The following KDELR2 variants were observed in gnomAD, a reference collection of about 807,000 sequenced individuals.
KDELR2 encodes ER lumen protein-retaining receptor 2.
KDELR2 carries 15 observed loss-of-function variants against 23.9 expected under a neutral mutation model. The observed-to-expected ratio is 0.63, with a 90% CI of 0.42 to 0.97. The LOEUF (loss-of-function observed/expected upper bound fraction) is 0.97, where lower values mean the gene tolerates loss of function less well. Ranked by LOEUF, KDELR2 falls within the 50% of genes least tolerant of loss-of-function variation. The pLI is 0.00. For synonymous variants in KDELR2, 119 were observed against 106.2 expected (o/e 1.12, Z -0.74); for missense variants, 272 against 254.6 (o/e 1.07, Z -0.46).
intron 1 of KDELR2, among the ~76,000 whole-genome samples, chr7:6,476,565 G>T (rs1158768702): frequency 1.3e-5 from 2 of 152,128 alleles, no homozygotes; most frequent in African/African-American, 4.8e-5. Flanking sequence ...AATTTTGTGG[G>T]AAAGGGTTTT....
Position 6,477,405 on chromosome 7 carries a change from T to C in KDELR2, c.92-3121A>G, listed in dbSNP as rs73674119. 9.8e-3 allele frequency among the ~76,000 whole-genome samples: 1,489 copies of C among 152,234 alleles called. 27 individuals are homozygous for C. The highest frequency in any genetic ancestry group is 0.023 in the African/African-American group (958 of 41,540). On this transcript the variant is annotated intron_variant, in intron 1 of 4. Transcript: ENST00000258739. ...GTGGGGCAAGAATCTCCTGGAGGGG[T>C]TGGGAGTAGAATACCTGCTATTAAA...
chr7:6,471,479 CT>C (rs1235838190), intron 2 of KDELR2, among the ~76,000 whole-genome samples: 1 of 152,100 alleles, frequency 6.6e-6, no homozygotes, highest in Non-Finnish European at 1.5e-5. Context: ...AGCACCCGGC[CT>C]GTTTTGGGTC....
At chr7:6,471,698 G>A (rs1027694172) in intron 2 of KDELR2, among the ~76,000 whole-genome samples, 27 of 152,096 alleles carry the variant, frequency 1.8e-4, no homozygotes, top group Admixed American at 1.0e-3. Flanking sequence ...TTATAGCTGC[G>A]TCCATTGGTG....
chr7:6,465,066 A>G (rs941771097), intron 4 of KDELR2, among the ~76,000 whole-genome samples: 2 of 145,188 alleles, frequency 1.4e-5, no homozygotes, highest in African/African-American at 5.0e-5. Context: ...CAATTCCACC[A>G]TTAGGAATTT....
At chr7:6,468,695 C>T (rs1386707904) in intron 3 of KDELR2, among the ~76,000 whole-genome samples, 7 of 151,712 alleles carry the variant, frequency 4.6e-5, no homozygotes, top group South Asian at 2.1e-4. Flanking sequence ...TTAGTAGAGA[C>T]GGGGTTTCAC....
intron 1 of KDELR2, among the ~76,000 whole-genome samples, chr7:6,482,128 G>C (rs977549699): frequency 1.2e-4 from 19 of 152,028 alleles, no homozygotes; most frequent in African/African-American, 4.1e-4. Context: ...TCAGCCTACC[G>C]AGTAGCTGGG....
Position 6,462,651 on chromosome 7 carries a change from A to T in KDELR2, c.*490T>A. The T allele has an allele frequency of 4.3e-6, 1 of 232,454 alleles. No homozygotes were observed. Among genetic ancestry groups the T allele is most frequent in the South Asian group, 8.4e-5 (1 of 11,942 alleles). 14.4% of individuals were successfully genotyped at this position (232,454 alleles called of 1,614,324 possible). ...TGAACAGATACATCCAATTGAACAT[A>T]GTGTCTCAGATTTCAAACAAATACA... On this transcript the variant is annotated 3_prime_UTR_variant, in exon 5 of 5. Transcript: ENST00000258739.
chr7:6,470,683 G>A (rs1785612970), intron 2 of KDELR2, among the ~76,000 whole-genome samples: 1 of 152,128 alleles, frequency 6.6e-6, no homozygotes, highest in Non-Finnish European at 1.5e-5. Flanking sequence ...TATGGTAGTA[G>A]GAGGTACTCC....
rs1785419868 is a variant in KDELR2 at position 6,463,024 on chromosome 7, T to C, written c.*117A>G. On this transcript the variant is annotated 3_prime_UTR_variant, in exon 5 of 5. Coordinates refer to ENST00000258739, the MANE Select transcript of KDELR2 (RefSeq NM_006854.4). ...GTTTTTACAGAGCCACTGATGACTA[T>C]CTGCAACAAAAGAGTTAAGTTTCTG... 1.2e-6 allele frequency: 2 copies of C among 1,614,210 alleles called. No homozygotes were observed. The highest frequency in any genetic ancestry group is 1.1e-5 in the South Asian group (1 of 91,086).
Position 6,466,327 on chromosome 7 carries a change from G to T in KDELR2, c.352-4C>A. ...AGATGGAGAAGGTCCAGAGGATCTG[G>T]AAGAGAAATGGCAAGCTTCCATCAC... On this transcript the variant is annotated splice_polypyrimidine_tract_variant and splice_region_variant and intron_variant, in intron 3 of 4. Transcript: ENST00000258739. The T allele has an allele frequency of 6.2e-7, 1 of 1,612,590 alleles. No homozygotes were observed. The highest frequency in any genetic ancestry group is 8.5e-7 in the Non-Finnish European group (1 of 1,179,278).
At chr7:6,471,270 C>T in intron 2 of KDELR2, among the ~76,000 whole-genome samples, 1 of 146,792 alleles carries the variant, frequency 6.8e-6, no homozygotes, top group Non-Finnish European at 1.5e-5. Flanking sequence ...CAACCTCCGC[C>T]TCCCAGGTTC....
chr7:6,481,129 G>A (rs891394781), intron 1 of KDELR2, among the ~76,000 whole-genome samples: 2 of 152,176 alleles, frequency 1.3e-5, no homozygotes, highest in African/African-American at 4.8e-5. Flanking sequence ...CCAGCACTTT[G>A]TGAGGCCGAA....
intron 3 of KDELR2, among the ~76,000 whole-genome samples, chr7:6,466,837 T>C (rs1480445745): frequency 3.9e-5 from 6 of 152,050 alleles, no homozygotes; most frequent in Non-Finnish European, 7.4e-5. Flanking sequence ...CTGCCAGTTA[T>C]CTGACAGGAG....
chr7:6,484,046 G>C lies in KDELR2; in HGVS notation c.12C>G (p.Phe4Leu), dbSNP rs749781448. 4.6e-6 allele frequency: 7 copies of C among 1,518,872 alleles called. No individual in the cohort carries two copies. The highest frequency in any genetic ancestry group is 1.4e-5 in the African/African-American group (1 of 69,256). 94.1% of individuals were successfully genotyped at this position (1,518,872 alleles called of 1,614,324 possible). Residue 4 changes from phenylalanine (F) to leucine (L), a missense_variant, in exon 1 of 5, where the codon TTC becomes TTG. Phe to Leu is a conservative substitution (Grantham distance 22). Transcript: ENST00000258739. ...GGTGGGACAGGTCCCCAGTCAGCCG[G>C]AAAATGTTCATGGCGGCGGCGGCGG... Reference protein sequence around the residue: MNIFRLTGDLSHLA... With the variant: MNILRLTGDLSHLA...
intron 2 of KDELR2, among the ~76,000 whole-genome samples, chr7:6,471,092 G>C (rs552751480): frequency 6.8e-5 from 10 of 146,508 alleles, no homozygotes; most frequent in Non-Finnish European, 1.5e-4. Flanking sequence ...ACTCCAGCCT[G>C]GGTGACAGAC....
chr7:6,479,428 T>TA (rs1423217031), intron 1 of KDELR2, among the ~76,000 whole-genome samples: 1 of 152,314 alleles, frequency 6.6e-6, no homozygotes, highest in South Asian at 2.1e-4. Flanking sequence ...GTGCTGGAAT[T>TA]ACAGGCATGA....
chr7:6,476,878 T>G (rs1047240414), intron 1 of KDELR2, among the ~76,000 whole-genome samples: 1 of 152,116 alleles, frequency 6.6e-6, no homozygotes, highest in Non-Finnish European at 1.5e-5. Flanking sequence ...AAAACCTCAC[T>G]CAGTACCAAG....
intron 2 of KDELR2, among the ~76,000 whole-genome samples, chr7:6,472,917 T>TC (rs1045707862): frequency 2.4e-5 from 3 of 126,166 alleles, no homozygotes; most frequent in East Asian, 2.0e-4. Context: ...TTTTTTTTTT[T>TC]CAGACAGGAT....
In KDELR2 at chr7:6,466,343, C is replaced by G; in HGVS notation, c.352-20G>C. The G allele has an allele frequency of 1.2e-6, 2 of 1,610,580 alleles. No individual in the cohort carries two copies. Among genetic ancestry groups the G allele is most frequent in the Non-Finnish European group, 1.7e-6 (2 of 1,178,388 alleles). On this transcript the variant is annotated intron_variant, in intron 3 of 4. Coordinates refer to ENST00000258739, the MANE Select transcript of KDELR2 (RefSeq NM_006854.4). ...GAGGATCTGGAAGAGAAATGGCAAG[C>G]TTCCATCACGACCCACTGCCCACCA...
Sources: allele counts gnomAD v4.1 joint callset (sites outside exome capture counted in the v4.1 genomes callset), GRCh38; gene constraint gnomAD v4.1.1; transcripts MANE v1.5; gene names NCBI Gene and HGNC (gene_info 2026-07-23, HGNC 2026-07-21).